Variants in TENM4 observed in about 807,000 individuals in gnomAD.
The protein encoded by TENM4 is teneurin transmembrane protein 4.
In TENM4, 82 loss-of-function variants were observed where a neutral mutation model predicts 243.3. The ratio of observed to expected loss-of-function variants is 0.34; its 90% confidence interval spans 0.28 to 0.40. The LOEUF (loss-of-function observed/expected upper bound fraction) is 0.40. TENM4 is among the 10% of genes least tolerant of loss of function. The probability of loss-of-function intolerance (pLI) is 1.00; values close to 1 mark genes in which losing one functional copy is unlikely to be tolerated. For synonymous variants in TENM4, 1,412 were observed against 1,456.3 expected (o/e 0.97, Z 0.69); for missense variants, 3,138 against 3,673.3 (o/e 0.85, Z 3.77).
chr11:79,295,171 G>A (rs1338256895), intron 2 of TENM4, among the ~76,000 whole-genome samples: 3 of 152,180 alleles, frequency 2.0e-5, no homozygotes, highest in African/African-American at 7.2e-5. Context: ...TTAGGCGAAT[G>A]AACATTCTTG....
At chr11:78,835,634 C>T (rs889660610) in intron 12 of TENM4, among the ~76,000 whole-genome samples, 8 of 152,212 alleles carry the variant, frequency 5.3e-5, no homozygotes, top group African/African-American at 1.9e-4. Flanking sequence ...TGTTGGTGAT[C>T]TTCAGGCCTC....
chr11:78,885,410 G>C (rs761684400), intron 9 of TENM4, among the ~76,000 whole-genome samples: 22 of 152,188 alleles, frequency 1.4e-4, no homozygotes, highest in Non-Finnish European at 2.5e-4. Context: ...GCTGTGTGAG[G>C]GTCCTCCCTG....
At chr11:79,124,730 G>A (rs1361443978) in intron 4 of TENM4, among the ~76,000 whole-genome samples, 1 of 135,866 alleles carries the variant, frequency 7.4e-6, no homozygotes, top group Non-Finnish European at 1.5e-5. Flanking sequence ...CTGTATTAGG[G>A]TTCTCTAGAG....
chr11:78,885,752 TAC>T (rs755721807), intron 9 of TENM4, among the ~76,000 whole-genome samples: 2 of 152,010 alleles, frequency 1.3e-5, no homozygotes, highest in Non-Finnish European at 2.9e-5. Context: ...ACCTCATCTC[TAC>T]ACACACACAC....
chr11:79,276,414 T>C (rs1856056946), intron 2 of TENM4, among the ~76,000 whole-genome samples: 1 of 152,082 alleles, frequency 6.6e-6, no homozygotes, highest in South Asian at 2.1e-4. Context: ...AGGCAGGAAG[T>C]GTTCACAGAG....
At chr11:79,370,423 A>T (rs1050051194) in intron 1 of TENM4, among the ~76,000 whole-genome samples, 1 of 152,224 alleles carries the variant, frequency 6.6e-6, no homozygotes, top group African/African-American at 2.4e-5. Context: ...CCTGGGGGAA[A>T]CCTGCACTCA....
At chr11:79,017,444 T>C (rs113831349) in intron 6 of TENM4, among the ~76,000 whole-genome samples, 6 of 152,220 alleles carry the variant, frequency 3.9e-5, no homozygotes, top group South Asian at 2.1e-4. Flanking sequence ...GAAGACCTGT[T>C]TAGTATGCAA....
intron 32 of TENM4, among the ~76,000 whole-genome samples, chr11:78,664,488 G>A (rs1356964601): frequency 6.6e-6 from 1 of 152,146 alleles, no homozygotes; most frequent in African/African-American, 2.4e-5. Flanking sequence ...GCCTTCCAAA[G>A]TACTGGGATT....
chr11:78,778,869 G>A (rs1430541574), intron 16 of TENM4, among the ~76,000 whole-genome samples: 1 of 152,174 alleles, frequency 6.6e-6, no homozygotes, highest in Non-Finnish European at 1.5e-5. Flanking sequence ...CCAGGCATTT[G>A]GAAATGTGAT....
chr11:79,332,203 A>T (rs1857072327), intron 1 of TENM4, among the ~76,000 whole-genome samples: 1 of 152,198 alleles, frequency 6.6e-6, no homozygotes, highest in African/African-American at 2.4e-5. Context: ...AGGTAGCCCA[A>T]TGCCAGAAGC....
chr11:79,432,385 T>C (rs1272132985), intron 1 of TENM4, among the ~76,000 whole-genome samples: 1 of 152,222 alleles, frequency 6.6e-6, no homozygotes, highest in Non-Finnish European at 1.5e-5. Flanking sequence ...TAATTGCACA[T>C]TAATAAAACG....
intron 1 of TENM4, among the ~76,000 whole-genome samples, chr11:79,332,061 G>A (rs967410236): frequency 1.3e-5 from 2 of 152,166 alleles, no homozygotes; most frequent in African/African-American, 4.8e-5. Flanking sequence ...TCAATGTCAG[G>A]CACAACTCTG....
intron 1 of TENM4, among the ~76,000 whole-genome samples, chr11:79,352,681 A>G (rs11600613): frequency 0.075 from 11,467 of 152,274 alleles, 544 homozygotes; most frequent in Middle Eastern, 0.14. Flanking sequence ...TTTGCCGGCC[A>G]GCTGTGGAGT....
At chr11:78,892,447 TTCCCAAATTC>T (rs1407037645) in intron 7 of TENM4, among the ~76,000 whole-genome samples, 2 of 152,310 alleles carry the variant, frequency 1.3e-5, no homozygotes, top group East Asian at 3.9e-4. Flanking sequence ...AGAGCCAGCA[TTCCCAAATTC>T]AAGACCCTTT....
intron 3 of TENM4, among the ~76,000 whole-genome samples, chr11:79,190,286 C>G (rs1328463269): frequency 6.6e-6 from 1 of 152,294 alleles, no homozygotes; most frequent in African/African-American, 2.4e-5. Context: ...GTTTATGTCT[C>G]AAGTCTCAGC....
rs184828791 is a variant in TENM4 at position 78,698,917 on chromosome 11, T to A, written c.5087+2609A>T. Among the ~76,000 whole-genome samples the A allele has an allele frequency of 1.8e-4, 27 of 152,368 alleles. No homozygotes were observed. In the East Asian group the frequency reaches 5.2e-3, roughly 29 times the overall value. On this transcript the variant is annotated intron_variant, in intron 28 of 33. Coordinates refer to ENST00000278550, the MANE Select transcript of TENM4 (RefSeq NM_001098816.3). Reference sequence around the variant, plus strand: ...GTGTTATTTTCCAGCCGACTTTGGATATTCTCAGGGATCTGACTTCTTTCT... The same window carrying A: ...GTGTTATTTTCCAGCCGACTTTGGAAATTCTCAGGGATCTGACTTCTTTCT...
chr11:78,702,421 G>A lies in TENM4; in HGVS notation c.4210-18C>T, dbSNP rs779559442. The A allele has an allele frequency of 4.4e-6, 7 of 1,598,080 alleles. No homozygotes were observed. Among genetic ancestry groups the A allele is most frequent in the South Asian group, 2.3e-5 (2 of 88,132 alleles). Reference sequence around the variant, plus strand: ...AGGTGAACCTGACAATGAAGACACCGATACTCAAATGACTGGCAAGATGCC... The same window carrying A: ...AGGTGAACCTGACAATGAAGACACCAATACTCAAATGACTGGCAAGATGCC... On this transcript the variant is annotated intron_variant, in intron 27 of 33. Transcript: ENST00000278550.
intron 9 of TENM4, among the ~76,000 whole-genome samples, chr11:78,875,640 G>A (rs1859251922): frequency 6.6e-6 from 1 of 152,178 alleles, no homozygotes. Context: ...TGTGAGTCCT[G>A]TCTCTTTCTC....
At chr11:79,409,004 T>G (rs1858630376) in intron 1 of TENM4, among the ~76,000 whole-genome samples, 1 of 152,032 alleles carries the variant, frequency 6.6e-6, no homozygotes. Flanking sequence ...AAGTATTAAG[T>G]TCTCCTTTTG....
Sources: gnomAD v4.1 joint callset for allele counts (sites outside exome capture counted in the v4.1 genomes callset) on GRCh38, gnomAD v4.1.1 for gene constraint, MANE v1.5 for transcripts, NCBI Gene and HGNC (gene_info 2026-07-23, HGNC 2026-07-21) for gene names.